CIB4: variants seen among roughly 807,000 people sequenced by gnomAD.
CIB4 encodes calcium and integrin binding family member 4.
Under a neutral mutation model 25.8 loss-of-function variants are expected in CIB4, and 25 were observed. The ratio of observed to expected loss-of-function variants is 0.97; its 90% CI spans 0.71 to 1.35. The LOEUF (loss-of-function observed/expected upper bound fraction) is 1.35. Ranked by LOEUF, CIB4 falls within the 40% of genes most tolerant of loss-of-function variation. The pLI is 0.00. For synonymous variants in CIB4, 75 were observed against 81.4 expected, an observed-to-expected ratio of 0.92 and a Z score of 0.42; for missense variants, 235 against 228.2, an observed-to-expected ratio of 1.03 and a Z score of -0.19.
chr2:26,596,613 C>A (rs961364803), intron 3 of CIB4, among the ~76,000 whole-genome samples: 1 of 151,746 alleles, frequency 6.6e-6, no homozygotes, highest in Non-Finnish European at 1.5e-5. Context: ...CGGGCGTGGT[C>A]GCGCATGCCT....
intron 3 of CIB4, among the ~76,000 whole-genome samples, chr2:26,609,815 A>G (rs1668963234): frequency 6.6e-6 from 1 of 152,240 alleles, no homozygotes; most frequent in Non-Finnish European, 1.5e-5. Flanking sequence ...AACACAGTTT[A>G]TACGTTTTCC....
intron 3 of CIB4, among the ~76,000 whole-genome samples, chr2:26,599,854 C>T (rs1237312109): frequency 3.3e-5 from 5 of 151,972 alleles, no homozygotes; most frequent in Non-Finnish European, 7.4e-5. Flanking sequence ...GTGGGTGGAT[C>T]ACGAGGTCAG....
At chr2:26,601,711 T>G (rs939012270) in intron 3 of CIB4, among the ~76,000 whole-genome samples, 7 of 151,710 alleles carry the variant, frequency 4.6e-5, no homozygotes, top group African/African-American at 1.7e-4. Context: ...AATACATAAT[T>G]AAGACAATGA....
chr2:26,623,560 A>G (rs1416357376), intron 3 of CIB4: 2 of 471,336 alleles, frequency 4.2e-6, no homozygotes, highest in Admixed American at 4.7e-5. Context: ...TGGGAGATAC[A>G]TAGAAACCGA....
At chr2:26,592,023 C>A (rs1422910634) in intron 4 of CIB4, among the ~76,000 whole-genome samples, 6 of 152,228 alleles carry the variant, frequency 3.9e-5, no homozygotes, top group African/African-American at 7.2e-5. Context: ...CTAAGTGATG[C>A]CTGGACTCCT....
chr2:26,588,978 TTTCTTCTTCTTC>T (rs879474454), intron 4 of CIB4, among the ~76,000 whole-genome samples: 53 of 69,914 alleles, frequency 7.6e-4, no homozygotes, highest in African/African-American at 2.6e-3. Context: ...CCGCTTCTTC[TTTCTTCTTCTTC>T]TTCTTCTTCT....
chr2:26,632,627 G>A (rs569427073), intron 2 of CIB4, among the ~76,000 whole-genome samples: 51 of 152,098 alleles, frequency 3.4e-4, no homozygotes, highest in African/African-American at 6.3e-4. Flanking sequence ...GCATGGTGGC[G>A]CGCATCCATA....
chr2:26,608,663 G>T (rs910765755), intron 3 of CIB4, among the ~76,000 whole-genome samples: 2 of 152,310 alleles, frequency 1.3e-5, no homozygotes, highest in South Asian at 4.1e-4. Context: ...GTGGCGATGC[G>T]ATGGGGGCTG....
intron 3 of CIB4, among the ~76,000 whole-genome samples, chr2:26,609,141 G>T (rs763370424): frequency 6.6e-6 from 1 of 152,218 alleles, no homozygotes. Context: ...ATGAGAAAAA[G>T]ATTATTATTG....
intron 3 of CIB4, among the ~76,000 whole-genome samples, chr2:26,619,891 G>C (rs1402197271): frequency 6.6e-6 from 1 of 150,548 alleles, no homozygotes; most frequent in African/African-American, 2.5e-5. Context: ...GCCCACAGCA[G>C]GGAAGGTGAC....
chr2:26,624,033 C>T (rs991560809), intron 3 of CIB4, among the ~76,000 whole-genome samples: 2 of 152,258 alleles, frequency 1.3e-5, no homozygotes, highest in East Asian at 1.9e-4. Context: ...GTCCTGTCCC[C>T]GTGCGGGACA....
At chr2:26,583,024 C>T in intron 5 of CIB4, 111 bp from the exon 6 acceptor site, 2 of 679,026 alleles carry the variant, frequency 2.9e-6, no homozygotes, top group Non-Finnish European at 5.3e-6. Flanking sequence ...ACATGCTTAA[C>T]ACTTGTCTCC....
chr2:26,609,200 G>A (rs978107580), intron 3 of CIB4, among the ~76,000 whole-genome samples: 2 of 152,150 alleles, frequency 1.3e-5, no homozygotes, highest in Non-Finnish European at 2.9e-5. Context: ...GAGTGGGGAC[G>A]CCCCTCTGGT....
At chr2:26,640,033 G>A (rs568407612) in intron 2 of CIB4, among the ~76,000 whole-genome samples, 3 of 151,838 alleles carry the variant, frequency 2.0e-5, no homozygotes, top group Admixed American at 6.6e-5. Flanking sequence ...AACAGGGAGC[G>A]GGGCTGCTCA....
chr2:26,641,270 T>C lies in CIB4; in HGVS notation c.45A>G (p.Glu15=). The part of the protein sequence containing the change: ...LRYQMHWEDL[E]EYQALTFLTR... ...AGCCCGATCTACCCACCTGGTACTC[T>C]TCCAGGTCCTCCCAGTGCATCTGAT... Residue 15 remains glutamate (E), a synonymous_variant, in exon 1 of 7, where the codon GAA becomes GAG. Transcript: ENST00000288861. 6.2e-7 allele frequency: 1 copy of C among 1,613,498 alleles called. No individual in the cohort carries two copies. The highest frequency in any genetic ancestry group is 8.5e-7 in the Non-Finnish European group (1 of 1,179,598).
At chr2:26,585,141 G>A (rs1408331227) in intron 4 of CIB4, among the ~76,000 whole-genome samples, 1 of 152,140 alleles carries the variant, frequency 6.6e-6, no homozygotes, top group Non-Finnish European at 1.5e-5. Flanking sequence ...CTGCCTAAAT[G>A]GGTCTTCTCA....
At chr2:26,614,005 G>A (rs1669046070) in intron 3 of CIB4, among the ~76,000 whole-genome samples, 1 of 152,166 alleles carries the variant, frequency 6.6e-6, no homozygotes, top group Non-Finnish European at 1.5e-5. Flanking sequence ...AAAGCTGCAG[G>A]GCGTCTCCTC....
At chr2:26,607,754 C>T (rs1445495588) in intron 3 of CIB4, among the ~76,000 whole-genome samples, 8 of 152,246 alleles carry the variant, frequency 5.3e-5, no homozygotes, top group Non-Finnish European at 8.8e-5. Context: ...TCTGGTAGAG[C>T]TGTTCATTTT....
intron 3 of CIB4, among the ~76,000 whole-genome samples, chr2:26,614,573 C>T (rs1047198299): frequency 4.6e-5 from 7 of 152,328 alleles, no homozygotes; most frequent in African/African-American, 9.6e-5. Context: ...CACCACAGGG[C>T]GCCCAGTTCC....
Sources: allele counts gnomAD v4.1 joint callset (sites outside exome capture counted in the v4.1 genomes callset), GRCh38; gene constraint gnomAD v4.1.1; transcripts MANE v1.5; gene names NCBI Gene and HGNC (gene_info 2026-07-23, HGNC 2026-07-21).